PBX1: variants seen among roughly 807,000 people sequenced by gnomAD.
PBX1 encodes the protein PBX homeobox 1, also known as pre-B-cell leukemia transcription factor 1.
In PBX1, 6 loss-of-function variants were observed where a neutral mutation model predicts 53.4. The observed-to-expected ratio is 0.11, with a 90% CI of 0.06 to 0.22. PBX1 has a LOEUF of 0.22. PBX1 is among the 10% of genes least tolerant of loss of function. The pLI, the probability that PBX1 is intolerant of heterozygous loss-of-function variation, is 1.00. For synonymous variants in PBX1, 204 were observed against 212.3 expected (o/e 0.96, Z 0.34); for missense variants, 251 against 551.4 (o/e 0.46, Z 5.46).
intron 2 of PBX1, among the ~76,000 whole-genome samples, chr1:164,699,589 C>T (rs1418231220): frequency 6.6e-6 from 1 of 152,116 alleles, no homozygotes; most frequent in Non-Finnish European, 1.5e-5. Context: ...GAAATATCAG[C>T]CCTTTTCTAA....
chr1:164,775,210 A>G (rs1024865504), intron 2 of PBX1, among the ~76,000 whole-genome samples: 1 of 152,184 alleles, frequency 6.6e-6, no homozygotes, highest in Non-Finnish European at 1.5e-5. Flanking sequence ...GGAAGGAGCC[A>G]GATAAGATTT....
At chr1:164,577,317 CT>C in intron 2 of PBX1, among the ~76,000 whole-genome samples, 1 of 152,286 alleles carries the variant, frequency 6.6e-6, no homozygotes, top group East Asian at 1.9e-4. Flanking sequence ...GGTTTGGGGC[CT>C]TCAGACATAG....
intron 8 of PBX1, among the ~76,000 whole-genome samples, chr1:164,841,545 C>G (rs10918077): frequency 0.37 from 55,812 of 152,020 alleles, 11,005 homozygotes; most frequent in African/African-American, 0.5. Context: ...GCCTGGATCT[C>G]TTTTCCACTG....
At chr1:164,717,353 C>A (rs1224774397) in intron 2 of PBX1, among the ~76,000 whole-genome samples, 3 of 152,084 alleles carry the variant, frequency 2.0e-5, no homozygotes, top group African/African-American at 7.2e-5. Context: ...ATCAGAACCA[C>A]TCTTTGGGAA....
intron 6 of PBX1, chr1:164,814,537 T>G (rs1438611512): frequency 6.6e-6 from 1 of 152,136 alleles, no homozygotes; most frequent in Non-Finnish European, 1.5e-5. Context: ...GTCAGGAGTT[T>G]GAGACCAGCC....
chr1:164,626,042 G>A lies in PBX1; in HGVS notation c.265+62731G>A, dbSNP rs889742133. Reference sequence around the variant, plus strand: ...CTCTGCTTCTACCTCCGGGAACCCCGTTACCCCCCAGCCCACACACCACCA... The same window carrying A: ...CTCTGCTTCTACCTCCGGGAACCCCATTACCCCCCAGCCCACACACCACCA... On this transcript the variant is annotated intron_variant, in intron 2 of 8. Coordinates refer to ENST00000420696, the MANE Select transcript of PBX1 (RefSeq NM_002585.4). The A allele has an allele frequency of 4.8e-6, 5 of 1,039,938 alleles. No homozygotes were observed. The Admixed American group carries it at 1.7e-4, about 35-fold the overall frequency. 64.4% of individuals were successfully genotyped at this position (1,039,938 alleles called of 1,614,324 possible). A position where few individuals can be genotyped will look rare whatever the true frequency, so the allele number is the denominator to read the frequency against.
At chr1:164,621,971 C>T (rs1318149264) in intron 2 of PBX1, among the ~76,000 whole-genome samples, 3 of 152,098 alleles carry the variant, frequency 2.0e-5, no homozygotes, top group Non-Finnish European at 4.4e-5. Context: ...TAAATGAACC[C>T]TGGTTGCATA....
At chr1:164,714,949 A>T (rs1431755228) in intron 2 of PBX1, among the ~76,000 whole-genome samples, 2 of 152,100 alleles carry the variant, frequency 1.3e-5, no homozygotes, top group South Asian at 2.1e-4. Flanking sequence ...ATTCAAAATA[A>T]ATCCCTTAAC....
At chr1:164,798,293 G>A (rs1056859152) in intron 3 of PBX1, among the ~76,000 whole-genome samples, 2 of 152,222 alleles carry the variant, frequency 1.3e-5, no homozygotes, top group East Asian at 1.9e-4. Context: ...TATCAATAAC[G>A]AGCGTGTTTC....
chr1:164,736,259 C>A (rs1043122794), intron 2 of PBX1, among the ~76,000 whole-genome samples: 1 of 152,030 alleles, frequency 6.6e-6, no homozygotes, highest in Admixed American at 6.6e-5. Context: ...GAAATAGCTG[C>A]GGGGGAGGCA....
chr1:164,578,963 G>A (rs1250034525), intron 2 of PBX1, among the ~76,000 whole-genome samples: 5 of 54,150 alleles, frequency 9.2e-5, no homozygotes, highest in South Asian at 6.8e-4. Context: ...CGCCCTCCCC[G>A]CCCCCATTGC....
At chr1:164,766,867 A>G (rs932660793) in intron 2 of PBX1, among the ~76,000 whole-genome samples, 6 of 151,372 alleles carry the variant, frequency 4.0e-5, no homozygotes, top group African/African-American at 1.5e-4. Flanking sequence ...AGCTGGGATT[A>G]CAGGCACGCA....
intron 4 of PBX1, among the ~76,000 whole-genome samples, chr1:164,802,870 AT>A (rs80104203): frequency 1.3e-3 from 197 of 146,512 alleles, no homozygotes; most frequent in Middle Eastern, 3.7e-3. Flanking sequence ...TATAAATAAC[AT>A]TTTTTTTTTT....
intron 5 of PBX1, among the ~76,000 whole-genome samples, chr1:164,810,757 A>G (rs1669568817): frequency 6.6e-6 from 1 of 152,146 alleles, no homozygotes; most frequent in Non-Finnish European, 1.5e-5. Flanking sequence ...TTCCTCCTCC[A>G]GTTTACCTCT....
At chr1:164,561,764 G>A (rs1158222573) in intron 1 of PBX1, among the ~76,000 whole-genome samples, 1 of 152,176 alleles carries the variant, frequency 6.6e-6, no homozygotes, top group East Asian at 1.9e-4. Context: ...ATACAATTTT[G>A]GGATGGGGAA....
At chr1:164,800,927 T>C (rs556771688) in intron 4 of PBX1, among the ~76,000 whole-genome samples, 1 of 152,294 alleles carries the variant, frequency 6.6e-6, no homozygotes, top group South Asian at 2.1e-4. Context: ...AATTTATTAC[T>C]CCTCTTGAAT....
intron 2 of PBX1, among the ~76,000 whole-genome samples, chr1:164,635,567 C>T (rs1187229705): frequency 6.6e-6 from 1 of 152,240 alleles, no homozygotes; most frequent in Admixed American, 6.5e-5. Context: ...GTCTGAGGCG[C>T]GCGCGGGCTG....
At chr1:164,780,180 C>T (rs1231333136) in intron 2 of PBX1, among the ~76,000 whole-genome samples, 1 of 152,126 alleles carries the variant, frequency 6.6e-6, no homozygotes, top group Admixed American at 6.5e-5. Flanking sequence ...ACCCCCTGCT[C>T]TCCCCAAATT....
At chr1:164,694,163 C>T (rs1181565314) in intron 2 of PBX1, among the ~76,000 whole-genome samples, 1 of 152,080 alleles carries the variant, frequency 6.6e-6, no homozygotes, top group Non-Finnish European at 1.5e-5. Context: ...CAAATTCAGT[C>T]CTTATTCTAC....
Sources: allele counts gnomAD v4.1 joint callset (sites outside exome capture counted in the v4.1 genomes callset), GRCh38; gene constraint gnomAD v4.1.1; transcripts MANE v1.5; gene names NCBI Gene and HGNC (gene_info 2026-07-23, HGNC 2026-07-21).